The following VTI1A variants were observed in gnomAD, a reference collection of about 807,000 sequenced individuals.
The protein encoded by VTI1A is vesicle transport through interaction with t-SNAREs 1A.
Under a neutral mutation model 34.9 loss-of-function variants are expected in VTI1A, and 22 were observed. The observed-to-expected ratio is 0.63, with a 90% CI of 0.45 to 0.90. The LOEUF (loss-of-function observed/expected upper bound fraction) is 0.90, where lower values mean the gene tolerates loss of function less well. VTI1A is among the 40% of genes least tolerant of loss of function. VTI1A has a pLI of 0.00. For missense variants in VTI1A, 268 were observed against 275.6 expected, an observed-to-expected ratio of 0.97 and a Z score of 0.20; for synonymous variants, 87 against 97.3, an observed-to-expected ratio of 0.89 and a Z score of 0.62.
chr10:112,719,121 T>C (rs1849706451), intron 7 of VTI1A, among the ~76,000 whole-genome samples: 1 of 152,256 alleles, frequency 6.6e-6, no homozygotes. Context: ...ATGAAATACA[T>C]TTTCTCATTC....
chr10:112,836,204 T>C, the VTI1A span, among the ~76,000 whole-genome samples: 2 of 152,184 alleles, frequency 1.3e-5, no homozygotes, highest in Admixed American at 1.3e-4. Context: ...TTGGTCCTGT[T>C]CCCAGCCCCA....
chr10:112,567,566 T>G (rs1851950950), intron 5 of VTI1A, among the ~76,000 whole-genome samples: 1 of 152,218 alleles, frequency 6.6e-6, no homozygotes, highest in African/African-American at 2.4e-5. Flanking sequence ...ATATTTTATG[T>G]AATTAAGCCT....
chr10:112,532,293 C>T (rs1850475420), intron 4 of VTI1A, among the ~76,000 whole-genome samples: 1 of 152,100 alleles, frequency 6.6e-6, no homozygotes, highest in Non-Finnish European at 1.5e-5. Context: ...ACATTTCTCC[C>T]AAAGCAATAG....
chr10:112,734,874 C>T (rs61872410), intron 7 of VTI1A, among the ~76,000 whole-genome samples: 4 of 151,846 alleles, frequency 2.6e-5, no homozygotes, highest in South Asian at 2.1e-4. Context: ...CCAAGTGATC[C>T]GCCCATCTCG....
chr10:112,592,537 C>T (rs1844433256), intron 5 of VTI1A, among the ~76,000 whole-genome samples: 1 of 152,220 alleles, frequency 6.6e-6, no homozygotes, highest in African/African-American at 2.4e-5. Flanking sequence ...CTTCATTAGA[C>T]TCCATATCAG....
intron 7 of VTI1A, chr10:112,737,249 C>CTTTT: frequency 6.0e-6 from 4 of 671,486 alleles, no homozygotes; most frequent in Non-Finnish European, 7.4e-6. Flanking sequence ...TTTTGTATTT[C>CTTTT]TTTTTTTTTT....
intron 7 of VTI1A, among the ~76,000 whole-genome samples, chr10:112,722,483 C>A (rs963650958): frequency 6.6e-6 from 1 of 152,044 alleles, no homozygotes; most frequent in Non-Finnish European, 1.5e-5. Flanking sequence ...ACATTGTGCA[C>A]ATGTACCCTA....
chr10:112,698,085 A>C (rs2133893880), intron 7 of VTI1A, among the ~76,000 whole-genome samples: 1 of 152,330 alleles, frequency 6.6e-6, no homozygotes, highest in South Asian at 2.1e-4. Context: ...ATAAGCTAAA[A>C]TATTCAGCAA....
intron 7 of VTI1A, chr10:112,672,589 G>C (rs1847889720): frequency 6.6e-6 from 1 of 152,104 alleles, no homozygotes; most frequent in Non-Finnish European, 1.5e-5. Context: ...TCCAATAAAT[G>C]GGTCTTTTCA....
intron 7 of VTI1A, among the ~76,000 whole-genome samples, chr10:112,778,233 C>T (rs1852010446): frequency 6.6e-6 from 1 of 152,230 alleles, no homozygotes; most frequent in African/African-American, 2.4e-5. Context: ...TAAACATCAC[C>T]TCATTTTTAA....
the VTI1A span, among the ~76,000 whole-genome samples, chr10:112,828,437 G>A: frequency 2.6e-5 from 4 of 151,756 alleles, no homozygotes; most frequent in Admixed American, 6.6e-5. Flanking sequence ...ATGGAGTCTC[G>A]CTCTGTTGCC....
At chr10:112,545,968 G>A (rs1372096202) in intron 5 of VTI1A, among the ~76,000 whole-genome samples, 1 of 151,030 alleles carries the variant, frequency 6.6e-6, no homozygotes, top group African/African-American at 2.4e-5. Context: ...GTATATACGT[G>A]TATACACGTA....
chr10:112,748,212 G>A (rs376056594), intron 7 of VTI1A, among the ~76,000 whole-genome samples: 2 of 151,950 alleles, frequency 1.3e-5, no homozygotes. Context: ...TACCTCCCAC[G>A]GCAAAGCCTA....
At chr10:112,772,476 TCTC>T (rs1851840848) in intron 7 of VTI1A, among the ~76,000 whole-genome samples, 1 of 152,234 alleles carries the variant, frequency 6.6e-6, no homozygotes, top group Non-Finnish European at 1.5e-5. Flanking sequence ...GCAAACATGT[TCTC>T]CTATTCTACA....
rs80228376 is a variant in VTI1A, at chr10:112,799,563, C to G, written c.561-15727C>G. Among the ~76,000 whole-genome samples, 5 of 152,296 alleles carry G rather than the reference C, an allele frequency of 3.3e-5. No individual in the cohort carries two copies. The East Asian group carries it at 9.7e-4, about 29-fold the overall frequency. The stretch of plus-strand genomic sequence containing the variant: ...CAGCCTGCAGACTGGATCTCCCCCA[C>G]CCTCACAGGACTTTCTTCCTTGGTT... On this transcript the variant is annotated intron_variant, in intron 7 of 7. Transcript: ENST00000393077.
chr10:112,854,172 G>T, the VTI1A span, among the ~76,000 whole-genome samples: 1 of 152,174 alleles, frequency 6.6e-6, no homozygotes, highest in Non-Finnish European at 1.5e-5. Context: ...CTCCTGAGTG[G>T]GTTCCACAGG....
At chr10:112,564,257 T>G (rs918834761) in intron 5 of VTI1A, among the ~76,000 whole-genome samples, 4 of 152,152 alleles carry the variant, frequency 2.6e-5, no homozygotes, top group Admixed American at 2.6e-4. Flanking sequence ...GAGTGGCTTT[T>G]GTTTTAATTT....
chr10:112,668,175 C>T, intron 5 of VTI1A, 43 bp from the exon 6 acceptor site: 2 of 1,538,196 alleles, frequency 1.3e-6, no homozygotes, highest in Non-Finnish European at 1.8e-6. Context: ...CTCTCATATG[C>T]ACTCCAAGTC....
At chr10:112,716,435 GC>G (rs1849617044) in intron 7 of VTI1A, among the ~76,000 whole-genome samples, 1 of 152,112 alleles carries the variant, frequency 6.6e-6, no homozygotes, top group Non-Finnish European at 1.5e-5. Flanking sequence ...ACATAACTAA[GC>G]AAATTTTATT....
Sources: gnomAD v4.1 joint callset for allele counts (sites outside exome capture counted in the v4.1 genomes callset) on GRCh38, gnomAD v4.1.1 for gene constraint, MANE v1.5 for transcripts, NCBI Gene and HGNC (gene_info 2026-07-23, HGNC 2026-07-21) for gene names.